Variants in SYT7 observed in about 807,000 individuals in gnomAD.
SYT7 encodes the protein synaptotagmin-7.
Under a neutral mutation model 75.1 loss-of-function variants are expected in SYT7, and 29 were observed. The ratio of observed to expected loss-of-function variants is 0.39; its 90% confidence interval spans 0.29 to 0.53. SYT7 has a LOEUF of 0.53. Among genes scored for constraint, SYT7 ranks in the 20% least tolerant of loss-of-function variants. SYT7 has a pLI of 0.77. For synonymous variants in SYT7, 376 were observed against 401.7 expected (o/e 0.94, Z 0.76); for missense variants, 693 against 953.2 (o/e 0.73, Z 3.59).
At chr11:61,575,055 C>T (rs939960079) in intron 1 of SYT7, among the ~76,000 whole-genome samples, 5 of 151,952 alleles carry the variant, frequency 3.3e-5, no homozygotes, top group Non-Finnish European at 7.4e-5. Flanking sequence ...GGCACCGTTC[C>T]TCTCTCATTC....
chr11:61,554,411 CACT>C (rs2063434623), intron 2 of SYT7, among the ~76,000 whole-genome samples: 2 of 152,102 alleles, frequency 1.3e-5, no homozygotes, highest in South Asian at 4.1e-4. Context: ...CACATCCCAC[CACT>C]GAGGGGTGAA....
At chr11:61,523,000 C>T in intron 12 of SYT7, 75 bp downstream of exon 12, 1 of 1,491,264 alleles carries the variant, frequency 6.7e-7, no homozygotes, top group Admixed American at 1.7e-5. Context: ...CCGTCCACTA[C>T]CCCCGCTGCT....
chr11:61,520,366 A>G (rs1198274617), intron 12 of SYT7, among the ~76,000 whole-genome samples: 1 of 152,102 alleles, frequency 6.6e-6, no homozygotes, highest in African/African-American at 2.4e-5. Context: ...TTTACAAAAA[A>G]TACAAAAAAA....
At chr11:61,549,933 G>A (rs567365884) in intron 3 of SYT7, among the ~76,000 whole-genome samples, 1 of 152,194 alleles carries the variant, frequency 6.6e-6, no homozygotes, top group East Asian at 1.9e-4. Flanking sequence ...ATCCAGGAAG[G>A]TTATGATCAC....
chr11:61,544,170 T>C (rs2063121883), intron 5 of SYT7, among the ~76,000 whole-genome samples: 2 of 152,194 alleles, frequency 1.3e-5, no homozygotes, highest in Non-Finnish European at 2.9e-5. Context: ...CTGAGTAACT[T>C]TGCTGACCTC....
chr11:61,577,930 G>T (rs1166796275), intron 1 of SYT7, among the ~76,000 whole-genome samples: 2 of 152,170 alleles, frequency 1.3e-5, no homozygotes, highest in African/African-American at 4.8e-5. Flanking sequence ...GACCCCTGCA[G>T]GCCTGCTGGG....
Position 61,551,286 on chromosome 11 carries a change from AGT to A in SYT7, c.215+96_215+97del. On this transcript the variant is annotated intron_variant, in intron 3 of 12. Transcript: ENST00000539008. The surrounding 1 kb of genome is among the most constrained non-coding windows in gnomAD (Gnocchi z 5.3). The stretch of plus-strand genomic sequence containing the variant: ...GGCATCGGGGTGTGGGGGAAGTGAA[AGT>A]GTGTGGTCAGGTCTGTGGGGCTGGG... The A allele has an allele frequency of 8.8e-7, 1 of 1,140,474 alleles. No individual in the cohort carries two copies. Among genetic ancestry groups the A allele is most frequent in the East Asian group, 2.4e-5 (1 of 42,218 alleles). 70.6% of individuals were successfully genotyped at this position (1,140,474 alleles called of 1,614,324 possible). A position where few individuals can be genotyped will look rare whatever the true frequency, so the allele number is the denominator to read the frequency against.
At chr11:61,549,959 C>T (rs1468152378) in intron 3 of SYT7, among the ~76,000 whole-genome samples, 1 of 152,196 alleles carries the variant, frequency 6.6e-6, no homozygotes, top group Non-Finnish European at 1.5e-5. Context: ...AGAGGCAGGC[C>T]CCCAGCCCTG....
chr11:61,533,494 C>T (rs976225618), intron 7 of SYT7: 155 of 985,320 alleles, frequency 1.6e-4, no homozygotes, highest in Non-Finnish European at 1.8e-4. Flanking sequence ...TCCCATCCGC[C>T]CCCAGCCTGG....
At chr11:61,529,791 C>T (rs991341151) in intron 8 of SYT7, among the ~76,000 whole-genome samples, 7 of 152,294 alleles carry the variant, frequency 4.6e-5, no homozygotes, top group South Asian at 2.1e-4. Flanking sequence ...CGTGCCACTA[C>T]GCCTGGCTGA....
intron 3 of SYT7, among the ~76,000 whole-genome samples, chr11:61,548,457 C>T (rs1259212540): frequency 3.9e-5 from 6 of 152,192 alleles, no homozygotes; most frequent in African/African-American, 1.4e-4. Flanking sequence ...GCCACCAGCT[C>T]ATCAGGCTAC....
chr11:61,547,492 G>A (rs966904664), intron 3 of SYT7, among the ~76,000 whole-genome samples, 184 bp from the exon 4 acceptor site: 8 of 151,668 alleles, frequency 5.3e-5, no homozygotes, highest in Admixed American at 1.3e-4. Context: ...CCTGGCACAC[G>A]CACGCATACA....
At chr11:61,566,487 G>C (rs1478387039) in intron 1 of SYT7, among the ~76,000 whole-genome samples, 1 of 152,222 alleles carries the variant, frequency 6.6e-6, no homozygotes, top group Non-Finnish European at 1.5e-5. Flanking sequence ...TCTGAGCTGG[G>C]AGCCCAGACT....
intron 1 of SYT7, among the ~76,000 whole-genome samples, chr11:61,568,971 G>A (rs994474527): frequency 1.3e-5 from 2 of 152,316 alleles, no homozygotes; most frequent in Non-Finnish European, 1.5e-5. Flanking sequence ...AGGCAAAGAC[G>A]GTGGGACACC....
intron 8 of SYT7, among the ~76,000 whole-genome samples, chr11:61,529,211 A>C (rs567560984): frequency 1.3e-5 from 2 of 152,276 alleles, no homozygotes; most frequent in East Asian, 3.9e-4. Flanking sequence ...CCTGGGTACC[A>C]CAGTTAAGAA....
intron 1 of SYT7, among the ~76,000 whole-genome samples, chr11:61,577,489 G>C (rs143048576): frequency 2.0e-5 from 3 of 152,296 alleles, no homozygotes; most frequent in African/African-American, 4.8e-5. Flanking sequence ...GTTCCTCAGG[G>C]CATACCCTTG....
chr11:61,529,762 G>A (rs2062646583), intron 8 of SYT7, among the ~76,000 whole-genome samples: 1 of 152,188 alleles, frequency 6.6e-6, no homozygotes, highest in South Asian at 2.1e-4. Context: ...AGCCTCCTGA[G>A]TAGCTGGGAC....
At position 61,553,111 on chromosome 11, in the gene SYT7, T is replaced by C. The variant is rs967273618; in HGVS notation, c.136-1648A>G. Among the ~76,000 whole-genome samples, 2 of 152,132 alleles carry C rather than the reference T, an allele frequency of 1.3e-5. No homozygotes were observed. Among genetic ancestry groups the C allele is most frequent in the African/African-American group, 4.8e-5 (2 of 41,430 alleles). ...AGTCAGAACTTTAAGAGTTGAAATATAGAGATGCCGGACACCCTGGGTTCA... is the reference window on the plus strand; with the variant it reads ...AGTCAGAACTTTAAGAGTTGAAATACAGAGATGCCGGACACCCTGGGTTCA... On this transcript the variant is annotated intron_variant, in intron 2 of 12. Coordinates refer to ENST00000539008, the MANE Select transcript of SYT7 (RefSeq NM_001365809.2). The surrounding 1 kb of genome is among the most constrained non-coding windows in gnomAD (Gnocchi z 5.2).
chr11:61,565,966 G>C (rs1013938481), intron 1 of SYT7, among the ~76,000 whole-genome samples: 3 of 152,272 alleles, frequency 2.0e-5, no homozygotes, highest in Admixed American at 2.0e-4. Context: ...TGCCAAGTGA[G>C]TAAACAGTGA....
Sources: gnomAD v4.1 joint callset for allele counts (sites outside exome capture counted in the v4.1 genomes callset) on GRCh38, gnomAD v4.1.1 for gene constraint, Gnocchi (gnomAD v3.1) non-coding constraint, MANE v1.5 for transcripts, NCBI Gene and HGNC (gene_info 2026-07-23, HGNC 2026-07-21) for gene names.